Variants in DYNC2H1 observed in about 807,000 individuals in gnomAD.
DYNC2H1 encodes dynein cytoplasmic 2 heavy chain 1.
In DYNC2H1, 410 loss-of-function variants were observed where a neutral mutation model predicts 570.0. That is an observed-to-expected ratio of 0.72 (90% CI 0.66 to 0.78). DYNC2H1 has a LOEUF of 0.78. DYNC2H1 is among the 30% of genes least tolerant of loss of function. The pLI is 0.00. For missense variants in DYNC2H1, 4,865 were observed against 5,046.4 expected (o/e 0.96, Z 1.09); for synonymous variants, 1,688 against 1,677.6 (o/e 1.01, Z -0.15).
intron 83 of DYNC2H1, among the ~76,000 whole-genome samples, chr11:103,388,908 T>A (rs1410722617): frequency 2.0e-5 from 3 of 152,210 alleles, no homozygotes; most frequent in Non-Finnish European, 2.9e-5. Context: ...GGTTTGCCAG[T>A]ATTTTATTGA....
Position 103,201,187 on chromosome 11 carries a change from A to G in DYNC2H1, c.8197+1033A>G, listed in dbSNP as rs1271657080. On this transcript the variant is annotated intron_variant, in intron 50 of 88. Coordinates refer to ENST00000375735, the MANE Select transcript of DYNC2H1 (RefSeq NM_001377.3). The surrounding 1 kb of genome is among the most constrained non-coding windows in gnomAD (Gnocchi z 4.8). ...ATTTTTAAGGAAAAAAGGAACTTAT[A>G]TGTACTTTATGCATCTGTATAATAG... is the stretch of plus-strand genomic sequence containing the variant. Among the ~76,000 whole-genome samples, 2 of 152,142 alleles carry G rather than the reference A, an allele frequency of 1.3e-5. No homozygotes were observed. The highest frequency in any genetic ancestry group is 4.8e-5 in the African/African-American group (2 of 41,428).
chr11:103,257,808 G>T, intron 69 of DYNC2H1, 57 bp downstream of exon 69: 1 of 1,329,298 alleles, frequency 7.5e-7, no homozygotes, highest in Non-Finnish European at 9.7e-7. Flanking sequence ...CTTTACTAGG[G>T]ATAGTACTTA....
intron 83 of DYNC2H1, among the ~76,000 whole-genome samples, chr11:103,361,968 T>G (rs928289516): frequency 1.3e-5 from 2 of 152,028 alleles, no homozygotes; most frequent in African/African-American, 4.8e-5. Flanking sequence ...CAAGTAAAGT[T>G]TAGGTGGAAT....
In DYNC2H1 at chr11:103,192,086, G is replaced by A. The variant is rs776028880; in HGVS notation, c.7541-11G>A. On this transcript the variant is annotated splice_polypyrimidine_tract_variant and intron_variant, in intron 46 of 88. Transcript: ENST00000375735. The stretch of plus-strand genomic sequence containing the variant: ...TTATATTACAATTAAATAAAATTTT[G>A]CCTTTTCTAGGATCCTCAAACCATC... The A allele has an allele frequency of 6.9e-7, 1 of 1,452,602 alleles. No individual in the cohort carries two copies. The highest frequency in any genetic ancestry group is 9.2e-7 in the Non-Finnish European group (1 of 1,089,452). The allele number at this position is 1,452,602 out of a possible 1,614,324, so 90.0% of individuals were successfully genotyped here.
At position 103,156,601 on chromosome 11, in the gene DYNC2H1, G is replaced by A. The variant is rs745867734; in HGVS notation, c.3958G>A (p.Gly1320Arg). ...CTTAAAGGATTCTCCTTATTATAAA[G>A]GATTTGAAGATAAAGTATCAATTTG... is the stretch of plus-strand genomic sequence containing the variant. ...QSLKDSPYYK[G>R]FEDKVSIWER... The change falls in exon 26 of 89, where the codon GGA (glycine) becomes AGA (arginine). Residue 1320 changes from glycine (G) to arginine (R), a missense_variant. Physicochemically the swap from Gly to Arg is moderately radical, Grantham distance 125. Coordinates refer to ENST00000375735, the MANE Select transcript of DYNC2H1 (RefSeq NM_001377.3). 4 of 1,613,574 alleles carry A rather than the reference G, an allele frequency of 2.5e-6. No homozygotes were observed. The highest frequency in any genetic ancestry group is 2.2e-5 in the East Asian group (1 of 44,848).
chr11:103,468,551 T>C (rs768931037), intron 87 of DYNC2H1, 38 bp from the exon 88 acceptor site: 57 of 1,488,480 alleles, frequency 3.8e-5, no homozygotes, highest in Non-Finnish European at 5.0e-5. Context: ...TTTGCGACTT[T>C]AATGCATATT....
rs1443161519 is a variant in DYNC2H1 at position 103,129,169 on chromosome 11, G to A, written c.1953+164G>A. Among the ~76,000 whole-genome samples the A allele has an allele frequency of 6.6e-6, 1 of 152,068 alleles. No homozygotes were observed. ...GCAAGTAAAATTATTTTTTCTAACT[G>A]TAGGTTTAAGTGGTTAGAATATTTC... On this transcript the variant is annotated intron_variant, in intron 13 of 88. Coordinates refer to ENST00000375735, the MANE Select transcript of DYNC2H1 (RefSeq NM_001377.3). The surrounding 1 kb of genome is among the most constrained non-coding windows in gnomAD (Gnocchi z 4.1).
chr11:103,468,902 G>A (rs1945279854), intron 88 of DYNC2H1, among the ~76,000 whole-genome samples, 197 bp downstream of exon 88: 1 of 152,094 alleles, frequency 6.6e-6, no homozygotes, highest in African/African-American at 2.4e-5. Context: ...CCTTGATTTT[G>A]TTATAGAAAG....
chr11:103,250,637 T>C (rs1384018201), intron 65 of DYNC2H1, among the ~76,000 whole-genome samples: 2 of 152,142 alleles, frequency 1.3e-5, no homozygotes, highest in Non-Finnish European at 2.9e-5. Context: ...CTATCACTTC[T>C]CCAAATTTTA....
In DYNC2H1 at chr11:103,439,459, T is replaced by C. The variant is rs593031; in HGVS notation, c.12456+3427T>C. Among the ~76,000 whole-genome samples the C allele has an allele frequency of 0.052, 7,890 of 152,186 alleles. 711 individuals are homozygous for C. Among genetic ancestry groups the C allele is most frequent in the African/African-American group, 0.18 (7,431 of 41,508 alleles). On this transcript the variant is annotated intron_variant, in intron 85 of 88. Coordinates refer to ENST00000375735, the MANE Select transcript of DYNC2H1 (RefSeq NM_001377.3). This position sits in a 1 kb window ranked among gnomAD's most constrained non-coding sequence, Gnocchi z 4.1. Reference sequence around the variant, plus strand: ...GGCAAGAGGGGCCAAATCATGATAATGTATTAAGGAATTATATTTTATCCT... The same window carrying C: ...GGCAAGAGGGGCCAAATCATGATAACGTATTAAGGAATTATATTTTATCCT...
chr11:103,176,329 A>G lies in DYNC2H1; in HGVS notation c.5769A>G (p.Lys1923=). 1 of 1,576,708 alleles carries G rather than the reference A, an allele frequency of 6.3e-7. No homozygotes were observed. The highest frequency in any genetic ancestry group is 8.6e-7 in the Non-Finnish European group (1 of 1,160,772). Residue 1923 remains lysine, a synonymous_variant, in exon 37 of 89, where the codon AAA becomes AAG. Coordinates refer to ENST00000375735, the MANE Select transcript of DYNC2H1 (RefSeq NM_001377.3). ...TDCTRFDALI[K]DVFPGIELKE... is the part of the protein sequence containing the mutation. ...GCACCCGGTTTGATGCACTGATAAA[A>G]GATGTCTTTCCGGGAATTGAATTGA...
intron 82 of DYNC2H1, among the ~76,000 whole-genome samples, chr11:103,345,180 C>T (rs1050566157): frequency 2.0e-5 from 3 of 151,966 alleles, no homozygotes; most frequent in Non-Finnish European, 4.4e-5. Flanking sequence ...GTTGGTTTGG[C>T]TGTTGTTTCA....
intron 75 of DYNC2H1, among the ~76,000 whole-genome samples, chr11:103,297,817 T>C (rs1468174400): frequency 1.3e-5 from 2 of 152,136 alleles, no homozygotes; most frequent in Non-Finnish European, 2.9e-5. Flanking sequence ...TTTGCTTTAT[T>C]AGTACCAACC....
chr11:103,184,546 T>C (rs1243518608), intron 40 of DYNC2H1, among the ~76,000 whole-genome samples: 1 of 151,954 alleles, frequency 6.6e-6, no homozygotes, highest in African/African-American at 2.4e-5. Context: ...CTCTTGGCTC[T>C]TGTATTCTTT....
rs1441088819 is a variant in DYNC2H1, at chr11:103,305,869, T to C, written c.11382+1149T>C. ...TATGGCTTTCTGTAAAAATTACTAA[T>C]GTGTAAAAATATAAAATTTATGTCT... On this transcript the variant is annotated intron_variant, in intron 77 of 88. Transcript: ENST00000375735. The surrounding 1 kb of genome is among the most constrained non-coding windows in gnomAD (Gnocchi z 4.3). Among the ~76,000 whole-genome samples, 2 of 152,182 alleles carry C rather than the reference T, an allele frequency of 1.3e-5. No homozygotes were observed. Among genetic ancestry groups the C allele is most frequent in the Non-Finnish European group, 2.9e-5 (2 of 68,024 alleles).
chr11:103,281,758 G>A (rs1299706382), intron 71 of DYNC2H1, among the ~76,000 whole-genome samples: 1 of 150,222 alleles, frequency 6.7e-6, no homozygotes, highest in Non-Finnish European at 1.5e-5. Context: ...CCCAATCAGT[G>A]AGAAAAAAAT....
chr11:103,159,120 C>T (rs2134909489), intron 28 of DYNC2H1, 93 bp downstream of exon 28: 5 of 918,388 alleles, frequency 5.4e-6, no homozygotes, highest in Non-Finnish European at 8.4e-6. Flanking sequence ...CTGAATACAG[C>T]AGTCAGTTCA....
At position 103,145,676 on chromosome 11, in the gene DYNC2H1, A is replaced by G. The variant is rs552071425; in HGVS notation, c.2703-2096A>G. On this transcript the variant is annotated intron_variant, in intron 18 of 88. Coordinates refer to ENST00000375735, the MANE Select transcript of DYNC2H1 (RefSeq NM_001377.3). The surrounding 1 kb of genome is among the most constrained non-coding windows in gnomAD (Gnocchi z 4.2). ...TACATACATATGCACATACAAACAT[A>G]CACATTTATTTCATCGGTACTTTTT... 3.3e-5 allele frequency among the ~76,000 whole-genome samples: 5 copies of G among 152,350 alleles called. No homozygotes were observed. In the South Asian group the frequency reaches 8.3e-4, roughly 25 times the overall value.
Position 103,156,994 on chromosome 11 carries a change from A to G in DYNC2H1, c.4127+224A>G, listed in dbSNP as rs140222412. On this transcript the variant is annotated intron_variant, in intron 26 of 88. Coordinates refer to ENST00000375735, the MANE Select transcript of DYNC2H1 (RefSeq NM_001377.3). ...TGTTATTACCACTCTACCTAATAAT[A>G]CATACTTCATAAAATCACTAATTAC... Among the ~76,000 whole-genome samples the G allele has an allele frequency of 3.7e-3, 559 of 152,332 alleles. 7 individuals are homozygous for G. Among genetic ancestry groups the G allele is most frequent in the Admixed American group, 0.02 (309 of 15,294 alleles).
Sources: allele counts gnomAD v4.1 joint callset (sites outside exome capture counted in the v4.1 genomes callset), GRCh38; gene constraint gnomAD v4.1.1; non-coding constraint Gnocchi (gnomAD v3.1); transcripts MANE v1.5; gene names NCBI Gene and HGNC (gene_info 2026-07-23, HGNC 2026-07-21).